Variants in FRMD3 observed in about 807,000 individuals in gnomAD.
FRMD3 encodes the protein FERM domain-containing protein 3.
FRMD3 carries 33 observed loss-of-function variants against 70.2 expected under a neutral mutation model. The ratio of observed to expected loss-of-function variants is 0.47; its 90% confidence interval spans 0.36 to 0.63. FRMD3 has a LOEUF of 0.63. Ranked by LOEUF, FRMD3 falls within the 20% of genes least tolerant of loss-of-function variation. The pLI is 0.00. For missense variants in FRMD3, 632 were observed against 711.4 expected (o/e 0.89, Z 1.27); for synonymous variants, 279 against 255.9 (o/e 1.09, Z -0.86).
chr9:83,348,545 T>G (rs1428851202), intron 4 of FRMD3, among the ~76,000 whole-genome samples: 1 of 152,070 alleles, frequency 6.6e-6, no homozygotes, highest in Non-Finnish European at 1.5e-5. Flanking sequence ...AATTAGATGG[T>G]GGGGAGGGTT....
intron 1 of FRMD3, among the ~76,000 whole-genome samples, chr9:83,509,412 C>A (rs1227047694): frequency 6.6e-6 from 1 of 152,090 alleles, no homozygotes; most frequent in East Asian, 1.9e-4. Context: ...GTAGCCACAG[C>A]CAAAAAGATG....
intron 1 of FRMD3, among the ~76,000 whole-genome samples, chr9:83,418,079 G>A (rs989504557): frequency 1.3e-5 from 2 of 150,170 alleles, no homozygotes; most frequent in African/African-American, 4.9e-5. Context: ...GGAGTGAGCA[G>A]CCAGTAAAAT....
chr9:83,339,535 A>G (rs971878357), intron 5 of FRMD3, among the ~76,000 whole-genome samples: 4 of 152,206 alleles, frequency 2.6e-5, no homozygotes, highest in Middle Eastern at 3.2e-3. Flanking sequence ...GTAAGTCTAA[A>G]AAGCAACAGG....
chr9:83,382,819 C>T (rs117526399), intron 2 of FRMD3, among the ~76,000 whole-genome samples: 2,218 of 152,244 alleles, frequency 0.015, 22 homozygotes, highest in Non-Finnish European at 0.024. Context: ...AAAGACTTCA[C>T]TGGCTCCCAA....
intron 5 of FRMD3, among the ~76,000 whole-genome samples, chr9:83,338,987 T>C (rs1177902434): frequency 6.6e-6 from 1 of 152,124 alleles, no homozygotes; most frequent in Non-Finnish European, 1.5e-5. Flanking sequence ...TTTCCATAGG[T>C]AATTTCCAAA....
intron 1 of FRMD3, among the ~76,000 whole-genome samples, chr9:83,449,982 T>A (rs11140094): frequency 0.22 from 33,797 of 151,952 alleles, 4,329 homozygotes; most frequent in African/African-American, 0.34. Context: ...ACTTTTTTTT[T>A]AAAAAGGCAA....
At chr9:83,531,953 A>G (rs890074863) in intron 1 of FRMD3, among the ~76,000 whole-genome samples, 26 of 152,156 alleles carry the variant, frequency 1.7e-4, no homozygotes, top group African/African-American at 6.3e-4. Flanking sequence ...AAAGTGATGG[A>G]GTTTAGGCTT....
intron 13 of FRMD3, among the ~76,000 whole-genome samples, chr9:83,254,280 AAAAG>A (rs1346969366): frequency 6.6e-6 from 1 of 152,084 alleles, no homozygotes; most frequent in African/African-American, 2.4e-5. Context: ...AAAAAATAAT[AAAAG>A]AAACTTTCAA....
chr9:83,449,217 G>A (rs1314843807), intron 1 of FRMD3, among the ~76,000 whole-genome samples: 1 of 152,198 alleles, frequency 6.6e-6, no homozygotes, highest in African/African-American at 2.4e-5. Context: ...CGCACCAACA[G>A]CCCATGGAGA....
chr9:83,499,790 C>G (rs1829021481), intron 1 of FRMD3, among the ~76,000 whole-genome samples: 1 of 152,112 alleles, frequency 6.6e-6, no homozygotes, highest in Non-Finnish European at 1.5e-5. Flanking sequence ...GGTTTTTAAA[C>G]CTACACATGA....
intron 2 of FRMD3, among the ~76,000 whole-genome samples, chr9:83,373,642 C>CCTTTGTGCTGT (rs11271909): frequency 0.7 from 106,719 of 151,424 alleles, 37,850 homozygotes; most frequent in Admixed American, 0.73. Context: ...ACAGCACATA[C>CCTTTGTGCTGT]AAAGATCACT....
intron 5 of FRMD3, among the ~76,000 whole-genome samples, chr9:83,340,209 TAGGCAAGTGCCCCGATTCATTTC>T (rs1164581713): frequency 6.6e-6 from 1 of 152,186 alleles, no homozygotes; most frequent in Non-Finnish European, 1.5e-5. Context: ...ACCTGGAGTT[TAGGCAAGTGCCCCGATTCATTTC>T]AGGCAAGTGC....
In FRMD3 at chr9:83,521,586, C is replaced by T. The variant is rs1026134749; in HGVS notation, c.147+16499G>A. Among the ~76,000 whole-genome samples, 29 of 152,186 alleles carry T rather than the reference C, an allele frequency of 1.9e-4. 1 individual carries two copies. The highest frequency in any genetic ancestry group is 1.3e-3 in the Admixed American group (20 of 15,288). ...TCAAAGTCTGAAACAAAACACCCAA[C>T]GAATCTTGCCCAAGTGTGAGCCAAG... is the stretch of plus-strand genomic sequence containing the variant. On this transcript the variant is annotated intron_variant, in intron 1 of 13. Transcript: ENST00000304195.
rs576256970 is a variant in FRMD3, at chr9:83,264,347, G to T, written c.1196-15831C>A. ...ATAGGTGGAACACAGAACTTTTAGG[G>T]CAGTCAAACTATTATGTATGATACA... is the stretch of plus-strand genomic sequence containing the variant. On this transcript the variant is annotated intron_variant, in intron 13 of 13. Transcript: ENST00000304195. Among the ~76,000 whole-genome samples the T allele has an allele frequency of 3.9e-5, 6 of 152,342 alleles. No individual in the cohort carries two copies. The South Asian group carries it at 1.2e-3, about 32-fold the overall frequency.
chr9:83,391,360 T>C (rs900323517), intron 1 of FRMD3, among the ~76,000 whole-genome samples: 3 of 152,212 alleles, frequency 2.0e-5, no homozygotes, highest in Non-Finnish European at 4.4e-5. Context: ...TTTACACATA[T>C]ACTCTGTAAT....
chr9:83,356,650 G>A (rs183858904), intron 3 of FRMD3, among the ~76,000 whole-genome samples: 203 of 151,704 alleles, frequency 1.3e-3, no homozygotes, highest in African/African-American at 4.4e-3. Flanking sequence ...AATCAGAAGC[G>A]TAATTTCAGG....
chr9:83,492,007 T>C (rs1828837214), intron 1 of FRMD3, among the ~76,000 whole-genome samples: 1 of 152,254 alleles, frequency 6.6e-6, no homozygotes, highest in Admixed American at 6.5e-5. Context: ...TGTTATCTAC[T>C]CTTGTCTTTA....
At chr9:83,413,526 C>G (rs754058853) in intron 1 of FRMD3, among the ~76,000 whole-genome samples, 5 of 152,178 alleles carry the variant, frequency 3.3e-5, no homozygotes, top group Non-Finnish European at 7.3e-5. Flanking sequence ...ATGGATCCTA[C>G]TTTTAGTAAG....
At chr9:83,469,468 T>A (rs1339208457) in intron 1 of FRMD3, among the ~76,000 whole-genome samples, 1 of 152,144 alleles carries the variant, frequency 6.6e-6, no homozygotes, top group Non-Finnish European at 1.5e-5. Context: ...TGTCAAAATG[T>A]CAAAGTCAAA....
Sources: allele counts gnomAD v4.1 joint callset (sites outside exome capture counted in the v4.1 genomes callset), GRCh38; gene constraint gnomAD v4.1.1; transcripts MANE v1.5; gene names NCBI Gene and HGNC (gene_info 2026-07-23, HGNC 2026-07-21).